The following TMEM178A variants were observed in gnomAD, a reference collection of about 807,000 sequenced individuals.
TMEM178A encodes transmembrane protein 178.
Under a neutral mutation model 29.1 loss-of-function variants are expected in TMEM178A, and 12 were observed. The observed-to-expected ratio is 0.41, with a 90% CI of 0.26 to 0.67. The LOEUF is 0.67. Ranked by LOEUF, TMEM178A falls within the 30% of genes least tolerant of loss-of-function variation. TMEM178A has a pLI of 0.29. For missense variants in TMEM178A, 366 were observed against 419.1 expected (o/e 0.87, Z 1.11); for synonymous variants, 210 against 187.2 (o/e 1.12, Z -0.99).
chr2:39,724,176 G>A, the TMEM178A span, among the ~76,000 whole-genome samples: 1 of 152,062 alleles, frequency 6.6e-6, no homozygotes, highest in Admixed American at 6.5e-5. Context: ...CGTGTTACTA[G>A]GGCTGCTCAA....
chr2:39,686,611 C>A (rs1232517889), intron 1 of TMEM178A, among the ~76,000 whole-genome samples: 5 of 139,516 alleles, frequency 3.6e-5, no homozygotes, highest in South Asian at 2.2e-4. Context: ...CTCTGGGCTA[C>A]GGATGGTGGC....
At chr2:39,701,379 T>C (rs1671774859) in intron 1 of TMEM178A, among the ~76,000 whole-genome samples, 1 of 152,172 alleles carries the variant, frequency 6.6e-6, no homozygotes, top group African/African-American at 2.4e-5. Context: ...CCTATTCCGT[T>C]CTGGCCTCCA....
At chr2:39,686,223 C>G (rs1373669924) in intron 1 of TMEM178A, among the ~76,000 whole-genome samples, 1 of 152,150 alleles carries the variant, frequency 6.6e-6, no homozygotes, top group East Asian at 1.9e-4. Flanking sequence ...CTTTCTACTC[C>G]TAGCCCAAGG....
chr2:39,690,645 A>G (rs73927038), intron 1 of TMEM178A, among the ~76,000 whole-genome samples: 3,645 of 152,316 alleles, frequency 0.024, 80 homozygotes, highest in African/African-American at 0.058. Flanking sequence ...TGCTTCTTCA[A>G]ATGTGAAAAC....
chr2:39,724,422 G>A, the TMEM178A span, among the ~76,000 whole-genome samples: 1 of 152,128 alleles, frequency 6.6e-6, no homozygotes, highest in Non-Finnish European at 1.5e-5. Context: ...CATTTAAGAA[G>A]CCTGAAAATC....
At chr2:39,728,001 T>C in the TMEM178A span, among the ~76,000 whole-genome samples, 2 of 152,220 alleles carry the variant, frequency 1.3e-5, no homozygotes, top group African/African-American at 4.8e-5. Flanking sequence ...TTTGCTATTG[T>C]GAATAATGCC....
intron 1 of TMEM178A, chr2:39,697,762 C>CA (rs1157870748): frequency 6.6e-6 from 1 of 152,608 alleles, no homozygotes; most frequent in African/African-American, 2.4e-5. Context: ...AACCCTGGGC[C>CA]AGCTGCCACC....
At chr2:39,694,201 A>G (rs1671447115) in intron 1 of TMEM178A, among the ~76,000 whole-genome samples, 3 of 150,406 alleles carry the variant, frequency 2.0e-5, no homozygotes, top group Non-Finnish European at 1.5e-5. Flanking sequence ...GCGAACACTA[A>G]TAATATTATA....
chr2:39,730,582 G>C, the TMEM178A span, among the ~76,000 whole-genome samples: 1 of 152,184 alleles, frequency 6.6e-6, no homozygotes. Context: ...TGTAAGAAAG[G>C]AGACCCACAG....
intron 1 of TMEM178A, among the ~76,000 whole-genome samples, chr2:39,669,427 T>C (rs1397027462): frequency 6.6e-6 from 1 of 152,176 alleles, no homozygotes; most frequent in Non-Finnish European, 1.5e-5. Context: ...AATTTAGAAA[T>C]ATGCAAGGCT....
chr2:39,694,841 G>A (rs1045200695), intron 1 of TMEM178A, among the ~76,000 whole-genome samples: 4 of 151,952 alleles, frequency 2.6e-5, no homozygotes, highest in South Asian at 2.1e-4. Flanking sequence ...TATTTCTACC[G>A]GACAGAGCTG....
At chr2:39,720,815 G>T (rs553828916), downstream of TMEM178A, among the ~76,000 whole-genome samples, 2 of 152,112 alleles carry the variant, frequency 1.3e-5, no homozygotes, top group African/African-American at 4.8e-5. Flanking sequence ...ATGTACAGTC[G>T]TGTGATGAGG....
chr2:39,698,573 G>T (rs765785254), intron 1 of TMEM178A, among the ~76,000 whole-genome samples: 3 of 152,094 alleles, frequency 2.0e-5, no homozygotes, highest in Non-Finnish European at 4.4e-5. Flanking sequence ...TATTTTGCTG[G>T]GGAATTTTGC....
At chr2:39,671,643 G>A (rs771611268) in intron 1 of TMEM178A, among the ~76,000 whole-genome samples, 47 of 152,162 alleles carry the variant, frequency 3.1e-4, no homozygotes, top group Non-Finnish European at 5.9e-4. Context: ...TTTAAATTAT[G>A]TGCATGGACT....
intron 1 of TMEM178A, among the ~76,000 whole-genome samples, chr2:39,702,450 A>T (rs1671825209): frequency 6.6e-6 from 1 of 152,192 alleles, no homozygotes; most frequent in African/African-American, 2.4e-5. Flanking sequence ...CCTCAGGGTC[A>T]GTCTGATGAG....
At chr2:39,724,783 C>A in the TMEM178A span, among the ~76,000 whole-genome samples, 2 of 152,164 alleles carry the variant, frequency 1.3e-5, no homozygotes, top group African/African-American at 2.4e-5. Flanking sequence ...ATCTCTCAGC[C>A]AGTCTCTGGC....
At chr2:39,710,082 T>C (rs966104784) in intron 3 of TMEM178A, among the ~76,000 whole-genome samples, 9 of 152,266 alleles carry the variant, frequency 5.9e-5, no homozygotes, top group African/African-American at 1.9e-4. Context: ...TTTGGATCCA[T>C]GTGTGGATTG....
At chr2:39,732,885 CCA>C in the TMEM178A span, among the ~76,000 whole-genome samples, 2 of 152,170 alleles carry the variant, frequency 1.3e-5, no homozygotes, top group East Asian at 1.9e-4. Flanking sequence ...CCTTCAGATG[CCA>C]CAGAGTTCCA....
chr2:39,726,210 G>A, the TMEM178A span, among the ~76,000 whole-genome samples: 3 of 152,170 alleles, frequency 2.0e-5, no homozygotes, highest in Non-Finnish European at 4.4e-5. Flanking sequence ...CGAAAAATGA[G>A]GTGGCTAGGA....
Sources: gnomAD v4.1 joint callset for allele counts (sites outside exome capture counted in the v4.1 genomes callset) on GRCh38, gnomAD v4.1.1 for gene constraint, MANE v1.5 for transcripts, NCBI Gene and HGNC (gene_info 2026-07-23, HGNC 2026-07-21) for gene names.